Variants in PITPNM2 observed in about 807,000 individuals in gnomAD.
The protein encoded by PITPNM2 is phosphatidylinositol transfer protein membrane associated 2.
Under a neutral mutation model 132.2 loss-of-function variants are expected in PITPNM2, and 35 were observed. The observed-to-expected ratio is 0.26, with a 90% confidence interval of 0.20 to 0.35. The LOEUF (loss-of-function observed/expected upper bound fraction) is 0.35. Ranked by LOEUF, PITPNM2 falls within the 10% of genes least tolerant of loss-of-function variation. PITPNM2 has a pLI of 1.00. For missense variants in PITPNM2, 1,332 were observed against 1,912.0 expected (o/e 0.70, Z 5.66); for synonymous variants, 738 against 799.2 (o/e 0.92, Z 1.29).
chr12:122,990,013 G>T, intron 17 of PITPNM2, 65 bp from the exon 18 acceptor site: 2 of 1,210,712 alleles, frequency 1.7e-6, no homozygotes, highest in Non-Finnish European at 2.1e-6. Flanking sequence ...CGTCTACCAG[G>T]GGCCAGGCAG....
rs1256088804 is a variant in PITPNM2 at position 123,002,415 on chromosome 12, T to C, written c.1049-1257A>G. Reference sequence around the variant, plus strand: ...TCTTCACCATTTTTAAAATTTCTTATATATTTTATTTTTTTGAGATAGGGT... The same window carrying C: ...TCTTCACCATTTTTAAAATTTCTTACATATTTTATTTTTTTGAGATAGGGT... On this transcript the variant is annotated intron_variant, in intron 8 of 25. Coordinates refer to ENST00000320201, the MANE Select transcript of PITPNM2 (RefSeq NM_020845.3). 3.9e-5 allele frequency among the ~76,000 whole-genome samples: 6 copies of C among 152,212 alleles called. No homozygotes were observed. In the East Asian group the frequency reaches 5.8e-4, roughly 15 times the overall value.
At chr12:123,012,886 C>A (rs1566247165) in intron 4 of PITPNM2, 152 bp from the exon 5 acceptor site, 1 of 1,039,090 alleles carries the variant, frequency 9.6e-7, no homozygotes, top group South Asian at 1.5e-5. Flanking sequence ...CCCTGTCCAC[C>A]TCTTGGATCG....
At chr12:123,070,742 C>T (rs1320052403) in intron 2 of PITPNM2, among the ~76,000 whole-genome samples, 4 of 152,228 alleles carry the variant, frequency 2.6e-5, no homozygotes, top group Admixed American at 6.5e-5. Flanking sequence ...GGCCTGCCCC[C>T]CATGCCTTCT....
Position 123,119,556 on chromosome 12 carries a change from C to G in PITPNM2, c.-199-9068G>C, listed in dbSNP as rs987237543. Reference sequence around the variant, plus strand: ...GTATTTTTTAGTAGAGACAGGGTTTCACCGTGTTGGCCAGGATGGTCTTGA... The same window carrying G: ...GTATTTTTTAGTAGAGACAGGGTTTGACCGTGTTGGCCAGGATGGTCTTGA... On this transcript the variant is annotated intron_variant, in intron 1 of 25. Transcript: ENST00000320201. 2.6e-5 allele frequency among the ~76,000 whole-genome samples: 4 copies of G among 152,028 alleles called. No homozygotes were observed. The East Asian group carries it at 7.8e-4, about 29-fold the overall frequency.
intron 8 of PITPNM2, among the ~76,000 whole-genome samples, chr12:123,002,884 A>G (rs906185633): frequency 2.0e-5 from 3 of 152,110 alleles, no homozygotes; most frequent in South Asian, 2.1e-4. Context: ...TTGAAACTAT[A>G]TATTACTGTG....
chr12:123,097,621 C>T lies in PITPNM2; in HGVS notation c.-96+12764G>A, dbSNP rs1044593941. On this transcript the variant is annotated intron_variant, in intron 2 of 25. Transcript: ENST00000320201. The surrounding 1 kb of genome is among the most constrained non-coding windows in gnomAD (Gnocchi z 4.7). ...TTTATAGCCAAGCAGCCTGTCCGCA[C>T]GCTCTCCAGTGCAGCCTGCCTCACT... Among the ~76,000 whole-genome samples, 1 of 152,348 alleles carries T rather than the reference C, an allele frequency of 6.6e-6. No homozygotes were observed. Among genetic ancestry groups the T allele is most frequent in the Non-Finnish European group, 1.5e-5 (1 of 68,036 alleles).
Position 123,004,937 on chromosome 12 carries a change from C to T in PITPNM2, c.952+303G>A, listed in dbSNP as rs1038779846. On this transcript the variant is annotated intron_variant, in intron 7 of 25. Coordinates refer to ENST00000320201, the MANE Select transcript of PITPNM2 (RefSeq NM_020845.3). The surrounding 1 kb of genome is among the most constrained non-coding windows in gnomAD (Gnocchi z 4.9). The stretch of plus-strand genomic sequence containing the variant: ...TCCTTAATCTCAGGGTCTGAAGTCT[C>T]CTAGGGTCCCCATCAGGAGGGGTGG... Among the ~76,000 whole-genome samples, 2 of 152,142 alleles carry T rather than the reference C, an allele frequency of 1.3e-5. No individual in the cohort carries two copies. Among genetic ancestry groups the T allele is most frequent in the Non-Finnish European group, 2.9e-5 (2 of 67,994 alleles).
Position 122,995,660 on chromosome 12 carries a change from C to T in PITPNM2, c.1783G>A (p.Asp595Asn), listed in dbSNP as rs1476683731. Residue 595 changes from aspartate to asparagine, a missense_variant and splice_region_variant, in exon 14 of 26, where the codon GAC becomes AAC. By Grantham distance (23) the Asp-to-Asn change is conservative. Around this residue, in one of 6 missense-constraint regions of PITPNM2, gnomAD observed 710 missense variants for 911.5 expected, o/e 0.78. Transcript: ENST00000320201. ...ATGCCCGGGGACAGCAGGTCATTGT[C>T]CTGGAACGGCCCCGTGGAGGCTCAC... is the stretch of plus-strand genomic sequence containing the variant. Reference protein sequence around the residue: ...SRRGSVVSMQDNDLLSPGILM... With the variant: ...SRRGSVVSMQNNDLLSPGILM... 6.3e-7 allele frequency: 1 copy of T among 1,587,998 alleles called. No homozygotes were observed. The highest frequency in any genetic ancestry group is 8.5e-7 in the Non-Finnish European group (1 of 1,171,028).
chr12:123,073,687 C>T (rs887031825), intron 2 of PITPNM2, among the ~76,000 whole-genome samples: 1 of 152,186 alleles, frequency 6.6e-6, no homozygotes, highest in African/African-American at 2.4e-5. Flanking sequence ...GAAAGGGAGC[C>T]ACTCTGCTCC....
intron 1 of PITPNM2, among the ~76,000 whole-genome samples, chr12:123,140,513 C>T (rs1465954885): frequency 2.6e-5 from 4 of 152,022 alleles, no homozygotes; most frequent in South Asian, 2.1e-4. Flanking sequence ...TGGAGGTGAG[C>T]GAGGCCCCTC....
At chr12:122,991,703 AC>A in intron 16 of PITPNM2, 1 of 1,290,000 alleles carries the variant, frequency 7.8e-7, no homozygotes. Flanking sequence ...GTCCCTGAGG[AC>A]CAGGTCAACC....
intron 2 of PITPNM2, among the ~76,000 whole-genome samples, chr12:123,054,586 G>C (rs2040959926): frequency 6.6e-6 from 1 of 152,246 alleles, no homozygotes; most frequent in African/African-American, 2.4e-5. Flanking sequence ...GGCTCCAGCA[G>C]TTGCTGTCCT....
Position 123,150,605 on chromosome 12 carries a change from C to T in PITPNM2, c.-200+148G>A, listed in dbSNP as rs964595828. Among the ~76,000 whole-genome samples, 29 of 151,904 alleles carry T rather than the reference C, an allele frequency of 1.9e-4. No individual in the cohort carries two copies. Among genetic ancestry groups the T allele is most frequent in the Admixed American group, 1.2e-3 (18 of 15,280 alleles). The stretch of plus-strand genomic sequence containing the variant: ...TCCCTGCCCGGGTCTCCGCTCCCTC[C>T]TCCAGCCCCCGGCGGGCTGGAGGCT... On this transcript the variant is annotated intron_variant, in intron 1 of 25. Coordinates refer to ENST00000320201, the MANE Select transcript of PITPNM2 (RefSeq NM_020845.3). This position sits in a 1 kb window ranked among gnomAD's most constrained non-coding sequence, Gnocchi z 6.0.
At chr12:123,109,895 CA>C (rs2137321344) in intron 2 of PITPNM2, among the ~76,000 whole-genome samples, 1 of 152,320 alleles carries the variant, frequency 6.6e-6, no homozygotes, top group Admixed American at 6.5e-5. Context: ...GAAAAGAAGT[CA>C]ATATTTGCAA....
chr12:123,079,230 C>G (rs945174510), intron 2 of PITPNM2, among the ~76,000 whole-genome samples: 1 of 152,092 alleles, frequency 6.6e-6, no homozygotes, highest in Non-Finnish European at 1.5e-5. Context: ...GGTCTGCATC[C>G]GGCACCAGAG....
At chr12:123,006,284 TTTG>T (rs1007297831) in intron 6 of PITPNM2, among the ~76,000 whole-genome samples, 8 of 152,108 alleles carry the variant, frequency 5.3e-5, no homozygotes, top group Admixed American at 1.3e-4. Context: ...CTCCTTTTCT[TTTG>T]TTTTTTTAAA....
At position 123,005,754 on chromosome 12, in the gene PITPNM2, T is replaced by C; in HGVS notation, c.644-206A>G. On this transcript the variant is annotated intron_variant, in intron 6 of 25. Coordinates refer to ENST00000320201, the MANE Select transcript of PITPNM2 (RefSeq NM_020845.3). This position sits in a 1 kb window ranked among gnomAD's most constrained non-coding sequence, Gnocchi z 6.2. ...CACAGATAGTCTCACAAGCTCATAG[T>C]GGTTCTATAATTAGAGTGGAGGGGC... 1 of 588,558 alleles carries C rather than the reference T, an allele frequency of 1.7e-6. No homozygotes were observed. The highest frequency in any genetic ancestry group is 3.0e-6 in the Non-Finnish European group (1 of 334,494). 36.5% of individuals were successfully genotyped at this position (588,558 alleles called of 1,614,324 possible). A position where few individuals can be genotyped will look rare whatever the true frequency, so the allele number is the denominator to read the frequency against.
Position 123,067,453 on chromosome 12 carries a change from TCACACACACA to T in PITPNM2, c.-95-32778_-95-32769del, listed in dbSNP as rs55716436. 2.5e-3 allele frequency among the ~76,000 whole-genome samples: 340 copies of T among 136,736 alleles called. 2 individuals carry two copies. Among genetic ancestry groups the T allele is most frequent in the African/African-American group, 7.7e-3 (275 of 35,768 alleles). 89.7% of individuals were successfully genotyped at this position (136,736 alleles called of 152,430 possible). A position where few individuals can be genotyped will look rare whatever the true frequency, so the allele number is the denominator to read the frequency against. ...CCTGGGAGACAAGGGTGAAACTCCA[TCACACACACA>T]CACACACACACACACACACACACAC... On this transcript the variant is annotated intron_variant, in intron 2 of 25. Transcript: ENST00000320201.
At chr12:123,054,146 C>T (rs2040948394) in intron 2 of PITPNM2, among the ~76,000 whole-genome samples, 1 of 152,020 alleles carries the variant, frequency 6.6e-6, no homozygotes, top group Non-Finnish European at 1.5e-5. Flanking sequence ...CAGGGTCTTA[C>T]ACTCTGTCAC....
Sources: allele counts gnomAD v4.1 joint callset (sites outside exome capture counted in the v4.1 genomes callset), GRCh38; gene constraint gnomAD v4.1.1; regional missense constraint gnomAD v4.1.1; non-coding constraint Gnocchi (gnomAD v3.1); transcripts MANE v1.5; gene names NCBI Gene and HGNC (gene_info 2026-07-23, HGNC 2026-07-21).